PAMR1: variants seen among roughly 807,000 people sequenced by gnomAD.
The protein encoded by PAMR1 is peptidase domain containing associated with muscle regeneration 1.
In PAMR1, 88 loss-of-function variants were observed where a neutral mutation model predicts 81.8. The ratio of observed to expected loss-of-function variants is 1.08; its 90% confidence interval spans 0.91 to 1.28. The LOEUF (loss-of-function observed/expected upper bound fraction) is 1.28. Ranked by LOEUF, PAMR1 falls within the 50% of genes most tolerant of loss-of-function variation. The pLI is 0.00. For synonymous variants in PAMR1, 336 were observed against 345.3 expected (o/e 0.97, Z 0.30); for missense variants, 935 against 919.7 (o/e 1.02, Z -0.21).
chr11:35,525,834 G>A, upstream of PAMR1: 2 of 556,900 alleles, frequency 3.6e-6, no homozygotes, highest in Non-Finnish European at 6.4e-6. Context: ...CACGCCTGGA[G>A]ACCCGCGGAC....
At chr11:35,506,116 TAA>T (rs200736970) in intron 1 of PAMR1, among the ~76,000 whole-genome samples, 46,567 of 145,952 alleles carry the variant, frequency 0.32, 7,351 homozygotes, top group African/African-American at 0.37. Flanking sequence ...CTTAGATCAC[TAA>T]AAAAAAAAAA....
At chr11:35,515,381 G>A (rs1310572493) in intron 1 of PAMR1, among the ~76,000 whole-genome samples, 1 of 152,192 alleles carries the variant, frequency 6.6e-6, no homozygotes, top group Non-Finnish European at 1.5e-5. Flanking sequence ...GAAATATGTT[G>A]AGCCAGGGTG....
At chr11:35,493,463 G>T (rs1376983684) in intron 2 of PAMR1, among the ~76,000 whole-genome samples, 3 of 151,564 alleles carry the variant, frequency 2.0e-5, no homozygotes, top group Admixed American at 2.0e-4. Context: ...ATCTATCCAG[G>T]TCTCTCATCA....
chr11:35,464,327 T>A (rs1856718895), intron 6 of PAMR1, among the ~76,000 whole-genome samples: 1 of 152,162 alleles, frequency 6.6e-6, no homozygotes, highest in African/African-American at 2.4e-5. Context: ...CATGGACTGA[T>A]CTTGAAAAAA....
At chr11:35,494,882 C>G (rs1471828043) in intron 1 of PAMR1, among the ~76,000 whole-genome samples, 1 of 152,214 alleles carries the variant, frequency 6.6e-6, no homozygotes, top group Admixed American at 6.5e-5. Flanking sequence ...AATATATAAT[C>G]TAGGTGGATT....
In PAMR1 at chr11:35,470,595, C is replaced by G. The variant is rs763655336; in HGVS notation, c.712+6G>C. On this transcript the variant is annotated splice_donor_region_variant and intron_variant, in intron 5 of 10. Transcript: ENST00000619888. The stretch of plus-strand genomic sequence containing the variant: ...AAAATGCCACATTTGTCTCCTTGGC[C>G]TTTACCTGTGATCTCCTCATAAATG... 6 of 1,611,756 alleles carry G rather than the reference C, an allele frequency of 3.7e-6. No homozygotes were observed. The highest frequency in any genetic ancestry group is 4.2e-6 in the Non-Finnish European group (5 of 1,177,912).
At chr11:35,517,244 G>C (rs915282201) in intron 1 of PAMR1, among the ~76,000 whole-genome samples, 1 of 152,168 alleles carries the variant, frequency 6.6e-6, no homozygotes, top group African/African-American at 2.4e-5. Context: ...ATTGATTAGT[G>C]CTGGCAAGAA....
intron 1 of PAMR1, among the ~76,000 whole-genome samples, chr11:35,503,384 G>T (rs1480325718): frequency 6.6e-6 from 1 of 151,552 alleles, no homozygotes; most frequent in African/African-American, 2.4e-5. Flanking sequence ...TGTGAAGAAT[G>T]TAATTGGTAT....
At chr11:35,450,926 C>A (rs1056259687) in intron 6 of PAMR1, among the ~76,000 whole-genome samples, 1 of 152,220 alleles carries the variant, frequency 6.6e-6, no homozygotes, top group African/African-American at 2.4e-5. Flanking sequence ...TAAAGGGCTA[C>A]AATTTGTGTA....
upstream of PAMR1, chr11:35,529,937 G>A (rs924889377): frequency 6.6e-6 from 1 of 152,174 alleles, no homozygotes; most frequent in Admixed American, 6.5e-5. Context: ...CTTTTTCAGT[G>A]CCACCAGGGA....
In PAMR1 at chr11:35,432,733, T is replaced by A. The variant is rs781059398; in HGVS notation, c.1786A>T (p.Ile596Phe). ...DLSTSFQESH[I>F]TVAGWNVLAD... ...AGGACATTCCAGCCAGCCACAGTGA[T>A]GTGGGACTCCTGGAAGGAAGTGCTG... The change falls in exon 11 of 11, where the codon ATC becomes TTC. Residue 596 changes from isoleucine to phenylalanine, a missense_variant. By Grantham distance (21) the Ile-to-Phe change is conservative. Coordinates refer to ENST00000619888, the MANE Select transcript of PAMR1 (RefSeq NM_001001991.3). 6.2e-7 allele frequency: 1 copy of A among 1,614,102 alleles called. No homozygotes were observed.
intron 1 of PAMR1, among the ~76,000 whole-genome samples, chr11:35,511,063 A>G (rs1199772465): frequency 6.6e-6 from 1 of 152,234 alleles, no homozygotes; most frequent in Non-Finnish European, 1.5e-5. Flanking sequence ...GTCATTGAAA[A>G]CAATGCTGAC....
chr11:35,438,407 T>C (rs187847596), intron 8 of PAMR1, among the ~76,000 whole-genome samples: 2 of 152,364 alleles, frequency 1.3e-5, no homozygotes, highest in East Asian at 1.9e-4. Flanking sequence ...TAGGGTTGCA[T>C]ATAATCCTTG....
At chr11:35,491,842 T>C (rs1287010030) in intron 3 of PAMR1, among the ~76,000 whole-genome samples, 1 of 152,204 alleles carries the variant, frequency 6.6e-6, no homozygotes, top group Non-Finnish European at 1.5e-5. Flanking sequence ...ATAAACCTCC[T>C]GTGGCCAAGA....
chr11:35,433,734 G>GATGGAGA (rs1855962065), intron 10 of PAMR1, among the ~76,000 whole-genome samples: 1 of 85,584 alleles, frequency 1.2e-5, no homozygotes, highest in Non-Finnish European at 2.7e-5. Flanking sequence ...AGAGATGGAT[G>GATGGAGA]GATGGATGGA....
At chr11:35,448,199 G>T (rs1037732275) in intron 6 of PAMR1, among the ~76,000 whole-genome samples, 1 of 152,134 alleles carries the variant, frequency 6.6e-6, no homozygotes, top group Non-Finnish European at 1.5e-5. Context: ...GTCTTTCTAG[G>T]TTGGGGAAGT....
intron 1 of PAMR1, among the ~76,000 whole-genome samples, chr11:35,505,355 T>A (rs553239392): frequency 6.6e-6 from 1 of 152,142 alleles, no homozygotes; most frequent in African/African-American, 2.4e-5. Context: ...GTCAGTTGGA[T>A]CCATTTAGTC....
At chr11:35,463,090 C>G (rs1372349653) in intron 6 of PAMR1, among the ~76,000 whole-genome samples, 2 of 152,222 alleles carry the variant, frequency 1.3e-5, no homozygotes, top group African/African-American at 4.8e-5. Flanking sequence ...CTAGGGGTCT[C>G]AGTACGTTCT....
At chr11:35,486,048 T>C (rs1003309997) in intron 3 of PAMR1, among the ~76,000 whole-genome samples, 2 of 152,254 alleles carry the variant, frequency 1.3e-5, no homozygotes, top group African/African-American at 4.8e-5. Flanking sequence ...TACACATTTA[T>C]TTAGTGCCAG....
Sources: allele counts gnomAD v4.1 joint callset (sites outside exome capture counted in the v4.1 genomes callset), GRCh38; gene constraint gnomAD v4.1.1; transcripts MANE v1.5; gene names NCBI Gene and HGNC (gene_info 2026-07-23, HGNC 2026-07-21).